Variants in WWOX observed in about 807,000 individuals in gnomAD.
The protein encoded by WWOX is WW domain-containing oxidoreductase.
Under a neutral mutation model 46.2 loss-of-function variants are expected in WWOX, and 69 were observed. The ratio of observed to expected loss-of-function variants is 1.49; its 90% CI spans 1.23 to 1.82. The LOEUF is 1.82. Ranked by LOEUF, WWOX falls within the 40% of genes most tolerant of loss-of-function variation. The pLI, the probability that WWOX is intolerant of heterozygous loss-of-function variation, is 0.00. For synonymous variants in WWOX, 359 were observed against 202.6 expected, an observed-to-expected ratio of 1.77 and a Z score of -6.56; for missense variants, 919 against 542.6, an observed-to-expected ratio of 1.69 and a Z score of -6.89.
At chr16:78,479,391 T>A (rs1224989422) in intron 8 of WWOX, among the ~76,000 whole-genome samples, 1 of 152,230 alleles carries the variant, frequency 6.6e-6, no homozygotes, top group East Asian at 1.9e-4. Flanking sequence ...AGGTTGGGTT[T>A]AGAGAATGCT....
rs533695894 is a variant in WWOX at position 79,073,240 on chromosome 16, C to A, written c.1057-138368C>A. Reference sequence around the variant, plus strand: ...CTTTGCCCAGGCTGGAGTGAAATGGCACGATCGCAGCTCACTGCGACCTCC... The same window carrying A: ...CTTTGCCCAGGCTGGAGTGAAATGGAACGATCGCAGCTCACTGCGACCTCC... On this transcript the variant is annotated intron_variant, in intron 8 of 8. Transcript: ENST00000566780. Among the ~76,000 whole-genome samples, 4 of 151,618 alleles carry A rather than the reference C, an allele frequency of 2.6e-5. No individual in the cohort carries two copies. In the South Asian group the frequency reaches 8.3e-4, roughly 32 times the overall value.
At chr16:78,582,157 T>G (rs897354162) in intron 8 of WWOX, among the ~76,000 whole-genome samples, 8 of 152,188 alleles carry the variant, frequency 5.3e-5, no homozygotes, top group African/African-American at 1.9e-4. Flanking sequence ...CAGTTATATG[T>G]TCAGCACAAG....
intron 8 of WWOX, among the ~76,000 whole-genome samples, chr16:78,537,206 C>T (rs753153794): frequency 1.5e-4 from 23 of 152,076 alleles, no homozygotes; most frequent in Non-Finnish European, 3.2e-4. Flanking sequence ...GGTGACCCAC[C>T]ACACCCAGCC....
At chr16:78,639,665 G>C (rs764789341) in intron 8 of WWOX, among the ~76,000 whole-genome samples, 3 of 152,040 alleles carry the variant, frequency 2.0e-5, no homozygotes, top group Non-Finnish European at 2.9e-5. Flanking sequence ...CCAGGTTCGA[G>C]TGATTTTCCT....
intron 5 of WWOX, among the ~76,000 whole-genome samples, chr16:78,340,085 G>T (rs2151899146): frequency 1.0e-5 from 1 of 96,730 alleles, no homozygotes; most frequent in Non-Finnish European, 2.3e-5. Context: ...CATGGATGAT[G>T]TTACTCTTTT....
chr16:79,064,998 G>A (rs1406152647), intron 8 of WWOX, among the ~76,000 whole-genome samples: 1 of 152,156 alleles, frequency 6.6e-6, no homozygotes, highest in African/African-American at 2.4e-5. Flanking sequence ...TGTGCGAAGG[G>A]TGAATGGGTT....
chr16:78,488,672 G>T (rs1246444257), intron 8 of WWOX, among the ~76,000 whole-genome samples: 1 of 152,160 alleles, frequency 6.6e-6, no homozygotes. Context: ...TGGCTGTAGG[G>T]GAGGGGAGGT....
At chr16:78,105,918 C>T (rs780575177) in intron 1 of WWOX, among the ~76,000 whole-genome samples, 15 of 152,190 alleles carry the variant, frequency 9.9e-5, no homozygotes, top group Non-Finnish European at 2.1e-4. Context: ...TCTCATGCCT[C>T]AGCCACTCAA....
At chr16:78,834,765 G>A (rs1013099922) in intron 8 of WWOX, among the ~76,000 whole-genome samples, 1 of 152,152 alleles carries the variant, frequency 6.6e-6, no homozygotes, top group African/African-American at 2.4e-5. Flanking sequence ...ACTTCAGGAT[G>A]TTGCGTATGT....
chr16:78,615,425 G>C (rs1443646393), intron 8 of WWOX, among the ~76,000 whole-genome samples: 2 of 152,058 alleles, frequency 1.3e-5, no homozygotes, highest in African/African-American at 4.8e-5. Flanking sequence ...GAGGCAGGAG[G>C]ATCTCCTGAA....
intron 8 of WWOX, among the ~76,000 whole-genome samples, chr16:78,671,415 A>T (rs2047460675): frequency 6.6e-6 from 1 of 152,142 alleles, no homozygotes; most frequent in Non-Finnish European, 1.5e-5. Flanking sequence ...ATAGCATGAG[A>T]CTGTGTCTCA....
chr16:78,319,479 C>T lies in WWOX; in HGVS notation c.517-67381C>T, dbSNP rs2080421832. ...GTTTCATCATGTTGCCCAGGCTGGT[C>T]TCAAACCCCTGGGCTCAAGCGGTCC... On this transcript the variant is annotated intron_variant, in intron 5 of 8. Coordinates refer to ENST00000566780, the MANE Select transcript of WWOX (RefSeq NM_016373.4). 2.0e-5 allele frequency among the ~76,000 whole-genome samples: 3 copies of T among 151,964 alleles called. No individual in the cohort carries two copies. The South Asian group carries it at 6.2e-4, about 32-fold the overall frequency.
At chr16:78,659,988 C>T (rs554925821) in intron 8 of WWOX, among the ~76,000 whole-genome samples, 54 of 152,150 alleles carry the variant, frequency 3.5e-4, no homozygotes, top group Non-Finnish European at 6.3e-4. Flanking sequence ...TAGGGCTCAT[C>T]AGTACATTGT....
At chr16:78,555,755 G>T (rs556535800) in intron 8 of WWOX, among the ~76,000 whole-genome samples, 3 of 152,132 alleles carry the variant, frequency 2.0e-5, no homozygotes, top group Admixed American at 6.5e-5. Context: ...ATTTCACAAG[G>T]AGTGCAAAAG....
chr16:79,120,256 AACAG>A (rs1230755465), intron 8 of WWOX, among the ~76,000 whole-genome samples: 1 of 152,174 alleles, frequency 6.6e-6, no homozygotes, highest in East Asian at 1.9e-4. Flanking sequence ...CCTAGCTAGG[AACAG>A]ACATTCAGGT....
chr16:78,400,915 C>G (rs1182805965), intron 6 of WWOX, among the ~76,000 whole-genome samples: 1 of 152,218 alleles, frequency 6.6e-6, no homozygotes, highest in East Asian at 1.9e-4. Flanking sequence ...CCTCAGCCAC[C>G]AGGGTTCAAG....
intron 8 of WWOX, among the ~76,000 whole-genome samples, chr16:78,999,433 G>A (rs1346475142): frequency 2.0e-5 from 3 of 152,244 alleles, no homozygotes; most frequent in Non-Finnish European, 4.4e-5. Flanking sequence ...TTGCACCATT[G>A]CACTCCAGCC....
chr16:79,120,986 T>C (rs2049618930), intron 8 of WWOX, among the ~76,000 whole-genome samples: 1 of 152,052 alleles, frequency 6.6e-6, no homozygotes, highest in Non-Finnish European at 1.5e-5. Context: ...CCAGGCTGGT[T>C]TCGAACTCGT....
In WWOX at chr16:78,442,711, G is replaced by C. The variant is rs568226797; in HGVS notation, c.1056+9959G>C. 6.6e-4 allele frequency among the ~76,000 whole-genome samples: 101 copies of C among 152,126 alleles called. 1 individual carries two copies. The highest frequency in any genetic ancestry group is 2.4e-3 in the African/African-American group (98 of 41,418). On this transcript the variant is annotated intron_variant, in intron 8 of 8. Transcript: ENST00000566780. ...AAACCTCATATGGGCCAGGCACAGT[G>C]GCTCATACCTGAAATCCCAGCACTT...
Sources: allele counts gnomAD v4.1 joint callset (sites outside exome capture counted in the v4.1 genomes callset), GRCh38; gene constraint gnomAD v4.1.1; transcripts MANE v1.5; gene names NCBI Gene and HGNC (gene_info 2026-07-23, HGNC 2026-07-21).